The following KANSL3 variants were observed in gnomAD, a reference collection of about 807,000 sequenced individuals.
KANSL3 encodes the protein KAT8 regulatory NSL complex subunit 3.
Under a neutral mutation model 89.2 loss-of-function variants are expected in KANSL3, and 16 were observed. That is an observed-to-expected ratio of 0.18 (90% CI 0.12 to 0.27). The LOEUF is 0.27. Ranked by LOEUF, KANSL3 falls within the 10% of genes least tolerant of loss-of-function variation. The probability of loss-of-function intolerance (pLI) is 1.00; values close to 1 mark genes in which losing one functional copy is unlikely to be tolerated. For synonymous variants in KANSL3, 385 were observed against 419.7 expected (o/e 0.92, Z 1.01); for missense variants, 879 against 1,110.6 (o/e 0.79, Z 2.96).
intron 5 of KANSL3, among the ~76,000 whole-genome samples, chr2:96,616,873 G>A (rs557253148): frequency 4.2e-4 from 64 of 152,260 alleles, no homozygotes; most frequent in African/African-American, 1.4e-3. Flanking sequence ...ATGCACCCAG[G>A]AGATGTCCAG....
In KANSL3 at chr2:96,636,361, A is replaced by G. The variant is rs115842708; in HGVS notation, c.215+560T>C. On this transcript the variant is annotated intron_variant, in intron 2 of 20. Coordinates refer to ENST00000431828, the MANE Select transcript of KANSL3 (RefSeq NM_001115016.3). ...TCAATTTATGAAACTTCCTTACCCT[A>G]TAACATAGGCTGGGTGAAAATATCA... 8.4e-3 allele frequency among the ~76,000 whole-genome samples: 1,275 copies of G among 152,336 alleles called. 17 individuals carry two copies. The highest frequency in any genetic ancestry group is 0.011 in the Non-Finnish European group (776 of 68,030).
intron 20 of KANSL3, chr2:96,601,250 A>T: frequency 1.1e-6 from 1 of 915,088 alleles, no homozygotes; most frequent in Non-Finnish European, 1.3e-6. Context: ...CTTGGGCGAT[A>T]GAGCAAGACT....
At chr2:96,614,137 G>A (rs1447810771) in intron 5 of KANSL3, among the ~76,000 whole-genome samples, 1 of 152,196 alleles carries the variant, frequency 6.6e-6, no homozygotes, top group African/African-American at 2.4e-5. Flanking sequence ...TGTCGCCCAG[G>A]CTAGAGTGCA....
intron 3 of KANSL3, among the ~76,000 whole-genome samples, chr2:96,625,415 TG>T (rs1391395896): frequency 6.6e-6 from 1 of 152,242 alleles, no homozygotes; most frequent in African/African-American, 2.4e-5. Flanking sequence ...CAAAGCCTAT[TG>T]ATCACGTTGC....
chr2:96,590,853 G>C (rs931835467), downstream of KANSL3, among the ~76,000 whole-genome samples: 1 of 152,064 alleles, frequency 6.6e-6, no homozygotes, highest in Non-Finnish European at 1.5e-5. Context: ...GGTCCTGGTG[G>C]TGTGTGCCTG....
chr2:96,634,894 C>A (rs1573677161), intron 2 of KANSL3, among the ~76,000 whole-genome samples: 1 of 152,224 alleles, frequency 6.6e-6, no homozygotes, highest in Admixed American at 6.5e-5. Context: ...CACCACCCAA[C>A]TGCTCAAGCC....
rs1484213235 is a variant in KANSL3 at position 96,602,265 on chromosome 2, C to T, written c.2333G>A (p.Arg778His). The change falls in exon 19 of 21, where the codon CGT (arginine) becomes CAT (histidine). Residue 778 changes from arginine (R) to histidine (H), a missense_variant. Physicochemically the swap from Arg to His is conservative, Grantham distance 29. This residue lies in a region of KANSL3 where 89 missense variants were observed against 139.7 expected (regional missense o/e 0.64). Transcript: ENST00000431828. The part of the protein sequence containing the change: ...AITTGTSTIV[R>H]TIPVATTLSS... ...GAGAGTGGTGGCCACAGGAATGGTA[C>T]GGACAATGGTGCTGGTGCCCGTGGT... 4 of 1,612,322 alleles carry T rather than the reference C, an allele frequency of 2.5e-6. No individual in the cohort carries two copies. The highest frequency in any genetic ancestry group is 2.5e-6 in the Non-Finnish European group (3 of 1,179,404).
intron 5 of KANSL3, chr2:96,615,592 A>G: frequency 9.2e-7 from 1 of 1,083,642 alleles, no homozygotes; most frequent in Non-Finnish European, 1.2e-6. Context: ...TTTTCAGAGA[A>G]AGAAAAAGGT....
At chr2:96,612,706 G>A (rs2069225119) in intron 7 of KANSL3, 112 bp downstream of exon 7, 5 of 1,076,558 alleles carry the variant, frequency 4.6e-6, no homozygotes, top group South Asian at 2.7e-5. Flanking sequence ...AGGGTTAGAG[G>A]AGGCTCCACA....
downstream of KANSL3, among the ~76,000 whole-genome samples, chr2:96,588,181 C>A (rs752520771): frequency 8.6e-5 from 13 of 151,530 alleles, no homozygotes; most frequent in African/African-American, 3.1e-4. Context: ...AAAAAAAAAC[C>A]AAAATCCATG....
At chr2:96,623,417 T>TATA (rs2071687945) in intron 3 of KANSL3, among the ~76,000 whole-genome samples, 1 of 152,210 alleles carries the variant, frequency 6.6e-6, no homozygotes, top group Non-Finnish European at 1.5e-5. Flanking sequence ...CAAGATACTC[T>TATA]AATTTCTACA....
At position 96,610,880 on chromosome 2, in the gene KANSL3, C is replaced by T; in HGVS notation, c.1165G>A (p.Val389Ile). 1 of 1,613,710 alleles carries T rather than the reference C, an allele frequency of 6.2e-7. No homozygotes were observed. The highest frequency in any genetic ancestry group is 8.5e-7 in the Non-Finnish European group (1 of 1,179,640). The change falls in exon 11 of 21, where the codon GTA becomes ATA. Residue 389 changes from valine (V) to isoleucine (I), a missense_variant. Around this residue, in one of 6 missense-constraint regions of KANSL3, gnomAD observed 198 missense variants for 260.3 expected, o/e 0.76. Transcript: ENST00000431828. ...TTCATATCCAAGAGGGGATCATCTA[C>T]ATCCTAAAACAGGTATAGGTTTTAG... ...LLTVDGPRGD[V>I]DDPLLDMKTP...
intron 15 of KANSL3, 21 bp downstream of exon 15, chr2:96,605,299 A>G: frequency 6.3e-7 from 1 of 1,594,424 alleles, no homozygotes; most frequent in South Asian, 1.1e-5. Context: ...GTTCTCATTT[A>G]ACGTACCAAG....
At chr2:96,605,178 C>T (rs960870051) in intron 15 of KANSL3, 142 bp downstream of exon 15, 1 of 731,878 alleles carries the variant, frequency 1.4e-6, no homozygotes, top group Non-Finnish European at 2.2e-6. Context: ...ACTTTACCCA[C>T]ATGTACAGAC....
At chr2:96,604,956 G>T in intron 15 of KANSL3, 93 bp from the exon 16 acceptor site, 3 of 1,005,962 alleles carry the variant, frequency 3.0e-6, no homozygotes, top group Non-Finnish European at 4.4e-6. Context: ...AAGATATTAC[G>T]GACGAAAACT....
Position 96,602,321 on chromosome 2 carries a change from C to A in KANSL3, c.2277G>T (p.Leu759Phe). 4 of 1,609,354 alleles carry A rather than the reference C, an allele frequency of 2.5e-6. No individual in the cohort carries two copies. Among genetic ancestry groups the A allele is most frequent in the Non-Finnish European group, 3.4e-6 (4 of 1,178,264 alleles). ...CACCCAGGCTCTGCATGGGGGTGGGCAACTTCACACTGGTGGCCTGTGGGA... is the reference window on the plus strand; with the variant it reads ...CACCCAGGCTCTGCATGGGGGTGGGAAACTTCACACTGGTGGCCTGTGGGA... ...GPAPQATSVK[L>F]PTPMQSLGAI... Residue 759 changes from leucine (L) to phenylalanine (F), a missense_variant, in exon 19 of 21, where the codon TTG becomes TTT. Leu to Phe is a conservative substitution (Grantham distance 22). Coordinates refer to ENST00000431828, the MANE Select transcript of KANSL3 (RefSeq NM_001115016.3).
rs376529561 is a variant in KANSL3, at chr2:96,619,654, G to A, written c.477+18C>T. On this transcript the variant is annotated intron_variant, in intron 4 of 20. Transcript: ENST00000431828. ...GAACTACGAAGAGCCCACTGTGGGCGGATTGCTGGTGTCTTACCCCTTCGT... is the reference window on the plus strand; with the variant it reads ...GAACTACGAAGAGCCCACTGTGGGCAGATTGCTGGTGTCTTACCCCTTCGT... 734 of 1,580,140 alleles carry A rather than the reference G, an allele frequency of 4.6e-4. 2 individuals carry two copies. The highest frequency in any genetic ancestry group is 5.9e-4 in the Non-Finnish European group (688 of 1,163,240).
chr2:96,583,758 A>G, the KANSL3 span, among the ~76,000 whole-genome samples: 3 of 152,336 alleles, frequency 2.0e-5, no homozygotes, highest in Admixed American at 6.5e-5. Context: ...GTAAGTTATC[A>G]TTTCTCTTTT....
At chr2:96,624,341 G>GCTCT (rs2071890191) in intron 3 of KANSL3, among the ~76,000 whole-genome samples, 1 of 152,076 alleles carries the variant, frequency 6.6e-6, no homozygotes, top group Non-Finnish European at 1.5e-5. Flanking sequence ...ATTTGAAAAA[G>GCTCT]CTCTCTGGAA....
Sources: gnomAD v4.1 joint callset for allele counts (sites outside exome capture counted in the v4.1 genomes callset) on GRCh38, gnomAD v4.1.1 for gene constraint, gnomAD v4.1.1 regional missense constraint, MANE v1.5 for transcripts, NCBI Gene and HGNC (gene_info 2026-07-23, HGNC 2026-07-21) for gene names.